The following RUNX1 variants were observed in gnomAD, a reference collection of about 807,000 sequenced individuals.
RUNX1 encodes the protein RUNX family transcription factor 1.
Under a neutral mutation model 42.8 loss-of-function variants are expected in RUNX1, and 19 were observed. The ratio of observed to expected loss-of-function variants is 0.44; its 90% confidence interval spans 0.31 to 0.65. The LOEUF (loss-of-function observed/expected upper bound fraction) is 0.65. Ranked by LOEUF, RUNX1 falls within the 30% of genes least tolerant of loss-of-function variation. RUNX1 has a pLI of 0.07. For missense variants in RUNX1, 528 were observed against 672.0 expected (o/e 0.79, Z 2.37); for synonymous variants, 271 against 289.4 (o/e 0.94, Z 0.64).
At chr21:34,800,744 T>A (rs2056596475) in intron 7 of RUNX1, among the ~76,000 whole-genome samples, 1 of 152,198 alleles carries the variant, frequency 6.6e-6, no homozygotes, top group Non-Finnish European at 1.5e-5. Flanking sequence ...CCCAGTATTC[T>A]CCTGACAGCC....
chr21:35,048,948 A>T lies in RUNX1; in HGVS notation c.-49T>A, dbSNP rs2059420023. On this transcript the variant is annotated 5_prime_UTR_variant, in exon 2 of 9. Transcript: ENST00000675419. ...TCTTCTGAAGGCGGGGGACTCAATG[A>T]TTTCTTTTACCTTCGGAGCGAAAAC... 1 of 1,563,758 alleles carries T rather than the reference A, an allele frequency of 6.4e-7. No homozygotes were observed. The highest frequency in any genetic ancestry group is 8.8e-7 in the Non-Finnish European group (1 of 1,135,234).
intron 2 of RUNX1, among the ~76,000 whole-genome samples, chr21:34,935,990 T>A (rs1463686263): frequency 6.6e-6 from 1 of 152,208 alleles, no homozygotes; most frequent in Non-Finnish European, 1.5e-5. Context: ...CACACGGCTG[T>A]ACTCAGCTGC....
intron 2 of RUNX1, among the ~76,000 whole-genome samples, chr21:34,912,172 T>C (rs1044850111): frequency 2.7e-5 from 4 of 149,946 alleles, no homozygotes; most frequent in Non-Finnish European, 5.9e-5. Context: ...AATCAATCGA[T>C]GACAATGAAC....
At chr21:34,923,179 G>A (rs892989221) in intron 2 of RUNX1, among the ~76,000 whole-genome samples, 5 of 152,156 alleles carry the variant, frequency 3.3e-5, no homozygotes, top group Admixed American at 6.5e-5. Flanking sequence ...CCGTTAGGAC[G>A]GGTGGCTGTA....
chr21:34,853,106 C>T (rs150462542), intron 6 of RUNX1, among the ~76,000 whole-genome samples: 289 of 152,268 alleles, frequency 1.9e-3, no homozygotes, highest in African/African-American at 6.4e-3. Context: ...AGGCCAACAC[C>T]GGAAGAAGAG....
chr21:34,991,184 T>C (rs993265119), intron 2 of RUNX1, among the ~76,000 whole-genome samples: 1 of 152,210 alleles, frequency 6.6e-6, no homozygotes, highest in African/African-American at 2.4e-5. Context: ...TCTTGCTATA[T>C]CCCAGCTGCT....
chr21:34,925,056 A>T (rs1432163315), intron 2 of RUNX1, among the ~76,000 whole-genome samples: 1 of 152,188 alleles, frequency 6.6e-6, no homozygotes, highest in Non-Finnish European at 1.5e-5. Flanking sequence ...GACTTTTGGG[A>T]GGATACAAAC....
chr21:35,049,134 AG>A, intron 1 of RUNX1, 33 bp downstream of exon 1: 1 of 511,602 alleles, frequency 2.0e-6, no homozygotes, highest in South Asian at 2.1e-5. Context: ...AAAAAAAGCC[AG>A]CGCCGCCTTG....
At chr21:34,963,756 G>T (rs540432168) in intron 2 of RUNX1, among the ~76,000 whole-genome samples, 72 of 152,282 alleles carry the variant, frequency 4.7e-4, no homozygotes, top group Non-Finnish European at 8.4e-4. Flanking sequence ...ATTCAGCACA[G>T]CTGTCTCTAC....
chr21:34,970,810 A>G (rs575099079), intron 2 of RUNX1, among the ~76,000 whole-genome samples: 3 of 152,306 alleles, frequency 2.0e-5, no homozygotes, highest in South Asian at 4.1e-4. Context: ...CAGTTGGTCA[A>G]TCTGGGTGAA....
At chr21:34,905,514 C>T (rs1248195807) in intron 2 of RUNX1, among the ~76,000 whole-genome samples, 1 of 152,200 alleles carries the variant, frequency 6.6e-6, no homozygotes, top group African/African-American at 2.4e-5. Context: ...ATTAATCCCA[C>T]TCTCCCCAAA....
chr21:34,860,700 GTA>G (rs2057561813), intron 5 of RUNX1, among the ~76,000 whole-genome samples: 1 of 152,088 alleles, frequency 6.6e-6, no homozygotes, highest in Non-Finnish European at 1.5e-5. Flanking sequence ...GTAGCATAAA[GTA>G]AATCAAAGAC....
Position 34,793,730 on chromosome 21 carries a change from G to C in RUNX1, c.968-1120C>G, listed in dbSNP as rs529746104. Among the ~76,000 whole-genome samples the C allele has an allele frequency of 2.3e-3, 351 of 150,290 alleles. 2 individuals are homozygous for C. Among genetic ancestry groups the C allele is most frequent in the African/African-American group, 8.2e-3 (334 of 40,784 alleles). On this transcript the variant is annotated intron_variant, in intron 8 of 8. Transcript: ENST00000675419. ...TCTTTTTTTTTTTTTTGGAGACAAA[G>C]TCTCGCTCTGTCACCAAGGCTGGAG...
At chr21:34,991,879 A>G (rs2058945485) in intron 2 of RUNX1, among the ~76,000 whole-genome samples, 1 of 152,182 alleles carries the variant, frequency 6.6e-6, no homozygotes, top group African/African-American at 2.4e-5. Context: ...ACGGACAGAC[A>G]GAGGGAAGAC....
In RUNX1 at chr21:34,788,414, T is replaced by A. The variant is rs188246960; in HGVS notation, c.*3721A>T. On this transcript the variant is annotated 3_prime_UTR_variant, in exon 9 of 9. Transcript: ENST00000675419. ...ACAAAAAAAGTGAACTTAAAAAAAA[T>A]TGGAACCATGCTATTAGCTGTTTAC... 346 of 233,042 alleles carry A rather than the reference T, an allele frequency of 1.5e-3. 9 individuals carry two copies. In the Middle Eastern group the frequency reaches 0.02, roughly 14 times the overall value. 14.4% of individuals were successfully genotyped at this position (233,042 alleles called of 1,614,324 possible).
intron 7 of RUNX1, among the ~76,000 whole-genome samples, chr21:34,830,426 C>T (rs2057047014): frequency 6.6e-6 from 1 of 152,108 alleles, no homozygotes; most frequent in Admixed American, 6.6e-5. Flanking sequence ...ACAGCCTGGC[C>T]CCAAAATTCT....
chr21:34,829,357 C>T (rs1052989341), intron 7 of RUNX1, among the ~76,000 whole-genome samples: 16 of 152,208 alleles, frequency 1.1e-4, no homozygotes, highest in Non-Finnish European at 2.1e-4. Context: ...AGAACATATG[C>T]AGTCTACAGA....
At position 34,788,397 on chromosome 21, in the gene RUNX1, A is replaced by T. The variant is rs1032958651; in HGVS notation, c.*3738T>A. The T allele has an allele frequency of 1.7e-5, 4 of 233,300 alleles. No homozygotes were observed. Among genetic ancestry groups the T allele is most frequent in the Admixed American group, 1.7e-4 (3 of 17,774 alleles). The allele number at this position is 233,300 out of a possible 1,614,324, so 14.5% of individuals were successfully genotyped here. On this transcript the variant is annotated 3_prime_UTR_variant, in exon 9 of 9. Coordinates refer to ENST00000675419, the MANE Select transcript of RUNX1 (RefSeq NM_001754.5). Reference sequence around the variant, plus strand: ...CATTCATTTCCCCTAGAACAAAAAAAGTGAACTTAAAAAAAATTGGAACCA... The same window carrying T: ...CATTCATTTCCCCTAGAACAAAAAATGTGAACTTAAAAAAAATTGGAACCA...
chr21:34,987,057 C>T (rs1425747762), intron 2 of RUNX1, among the ~76,000 whole-genome samples: 1 of 152,226 alleles, frequency 6.6e-6, no homozygotes, highest in African/African-American at 2.4e-5. Context: ...GTGTTTCTTG[C>T]ACCGCCCTTG....
Sources: gnomAD v4.1 joint callset for allele counts (sites outside exome capture counted in the v4.1 genomes callset) on GRCh38, gnomAD v4.1.1 for gene constraint, MANE v1.5 for transcripts, NCBI Gene and HGNC (gene_info 2026-07-23, HGNC 2026-07-21) for gene names.